The following TSBP1 variants were observed in gnomAD, a reference collection of about 807,000 sequenced individuals.
TSBP1 encodes testis-expressed basic protein 1.
TSBP1 carries 56 observed loss-of-function variants against 68.8 expected under a neutral mutation model. The observed-to-expected ratio is 0.81, with a 90% CI of 0.66 to 1.02. The LOEUF (loss-of-function observed/expected upper bound fraction) is 1.02, where lower values mean the gene tolerates loss of function less well. TSBP1 is among the 50% of genes least tolerant of loss of function. The pLI is 0.00. For synonymous variants in TSBP1, 171 were observed against 208.7 expected, an observed-to-expected ratio of 0.82 and a Z score of 1.56; for missense variants, 502 against 641.2, an observed-to-expected ratio of 0.78 and a Z score of 2.34.
chr6:32,324,500 C>G (rs1168923063), intron 16 of TSBP1: 1 of 948,028 alleles, frequency 1.1e-6, no homozygotes. Context: ...CTTTCCAGTA[C>G]ATCATGAATA....
intron 16 of TSBP1, among the ~76,000 whole-genome samples, chr6:32,329,701 A>C (rs1376185363): frequency 6.6e-6 from 1 of 152,160 alleles, no homozygotes; most frequent in African/African-American, 2.4e-5. Flanking sequence ...TGCTCAGCTT[A>C]GTATCAGATA....
intron 15 of TSBP1, among the ~76,000 whole-genome samples, chr6:32,331,174 G>A (rs930570827): frequency 5.3e-5 from 8 of 151,294 alleles, no homozygotes; most frequent in Non-Finnish European, 1.2e-4. Context: ...TGTAGGTGTT[G>A]GAGATGAGAT....
intron 22 of TSBP1, 179 bp from the exon 26 acceptor site, chr6:32,294,214 A>C (rs575471089): frequency 1.4e-6 from 1 of 709,676 alleles, no homozygotes; most frequent in African/African-American, 1.8e-5. Flanking sequence ...GTATCGATAA[A>C]ATTCTGGACT....
At chr6:32,293,853 G>A (rs34498363) in exon 23 of TSBP1, 19,469 of 1,612,608 alleles carry the variant, frequency 0.012, 211 homozygotes, top group African/African-American at 0.047. Context: ...TCTCTTTCTG[G>A]CTCCTTTATG....
chr6:32,323,192 T>C, intron 17 of TSBP1, 55 bp from the exon 19 acceptor site: 1 of 1,197,560 alleles, frequency 8.4e-7, no homozygotes. Flanking sequence ...CAAGGTTCCC[T>C]CTAGGGAGGT....
In TSBP1 at chr6:32,315,836, G is replaced by T; in HGVS notation, c.560-44C>A. ...GAAATCCATTTAATTTTTCTCAAAT[G>T]GAGAAAACATAGCATTATCTAACAT... On this transcript the variant is annotated intron_variant, in intron 18 of 22. Coordinates refer to ENST00000612031, the Ensembl canonical transcript of TSBP1. The surrounding 1 kb of genome is among the most constrained non-coding windows in gnomAD (Gnocchi z 5.4). The T allele has an allele frequency of 1.6e-6, 2 of 1,270,284 alleles. No individual in the cohort carries two copies. Among genetic ancestry groups the T allele is most frequent in the Non-Finnish European group, 2.2e-6 (2 of 912,038 alleles). The allele number at this position is 1,270,284 out of a possible 1,614,324, so 78.7% of individuals were successfully genotyped here.
At chr6:32,371,435 G>A (rs1477760835) in intron 1 of TSBP1, among the ~76,000 whole-genome samples, 6 of 152,172 alleles carry the variant, frequency 3.9e-5, no homozygotes, top group Non-Finnish European at 5.9e-5. Context: ...GTGCTACGGA[G>A]GATGGTTATT....
Position 32,343,151 on chromosome 6 carries a change from A to G in TSBP1, c.350-3513T>C, listed in dbSNP as rs1770569352. 1 of 727,124 alleles carries G rather than the reference A, an allele frequency of 1.4e-6. No homozygotes were observed. The highest frequency in any genetic ancestry group is 2.0e-6 in the Non-Finnish European group (1 of 498,628). 45.0% of individuals were successfully genotyped at this position (727,124 alleles called of 1,614,324 possible). On this transcript the variant is annotated intron_variant, in intron 9 of 22. Transcript: ENST00000612031. This position sits in a 1 kb window ranked among gnomAD's most constrained non-coding sequence, Gnocchi z 4.3. ...CCCTTTCACCCTGACATAGCAGGAAACAGGAAATAGTTAAGACAGGGAGAA... is the reference window on the plus strand; with the variant it reads ...CCCTTTCACCCTGACATAGCAGGAAGCAGGAAATAGTTAAGACAGGGAGAA...
exon 4 of TSBP1, chr6:32,367,951 C>T (rs763106124): frequency 6.2e-7 from 1 of 1,611,038 alleles, no homozygotes; most frequent in East Asian, 2.2e-5. Context: ...GTCCAGAAGT[C>T]TAGCACCTAG....
rs1769281190 is a variant in TSBP1 at position 32,333,345 on chromosome 6, T to G, written c.473-1291A>C. Among the ~76,000 whole-genome samples the G allele has an allele frequency of 6.6e-6, 1 of 152,190 alleles. No individual in the cohort carries two copies. Among genetic ancestry groups the G allele is most frequent in the Non-Finnish European group, 1.5e-5 (1 of 68,032 alleles). ...AACACTGCTTACATAAGAATGATCC[T>G]TGATGTTAGACTGCATCTGAACTGG... On this transcript the variant is annotated intron_variant, in intron 14 of 22. Transcript: ENST00000612031. This position sits in a 1 kb window ranked among gnomAD's most constrained non-coding sequence, Gnocchi z 4.2.
At chr6:32,331,342 C>G (rs1768996084) in intron 15 of TSBP1, among the ~76,000 whole-genome samples, 1 of 152,134 alleles carries the variant, frequency 6.6e-6, no homozygotes, top group Non-Finnish European at 1.5e-5. Context: ...TACTGACAAG[C>G]CACTATAATC....
intron 18 of TSBP1, among the ~76,000 whole-genome samples, chr6:32,317,452 A>G (rs1280279499): frequency 6.6e-6 from 1 of 152,228 alleles, no homozygotes; most frequent in Non-Finnish European, 1.5e-5. Flanking sequence ...GCAAAAATTG[A>G]CAGATGGGAT....
chr6:32,345,176 T>TC (rs1270462051), intron 9 of TSBP1, among the ~76,000 whole-genome samples: 1 of 126,036 alleles, frequency 7.9e-6, no homozygotes, highest in East Asian at 2.3e-4. Flanking sequence ...TTTTTTTTTT[T>TC]CTTTTTCCTC....
intron 19 of TSBP1, among the ~76,000 whole-genome samples, chr6:32,309,350 CAT>C (rs9279573): frequency 0.21 from 31,870 of 151,836 alleles, 3,501 homozygotes; most frequent in East Asian, 0.22. Context: ...TGTTTTCTTA[CAT>C]ATGTTTCTTG....
chr6:32,323,653 C>G, intron 16 of TSBP1, 39 bp from the exon 18 acceptor site: 2 of 1,603,710 alleles, frequency 1.2e-6, no homozygotes, highest in African/African-American at 1.3e-5. Flanking sequence ...TGTTTTTTCT[C>G]CCATGATATT....
At chr6:32,293,669 T>G in exon 23 of TSBP1, 1 of 1,613,092 alleles carries the variant, frequency 6.2e-7, no homozygotes. Flanking sequence ...TACTTGGGAC[T>G]CCTGTCCTCT....
chr6:32,320,785 T>G (rs1426655617), intron 18 of TSBP1, among the ~76,000 whole-genome samples: 1 of 152,128 alleles, frequency 6.6e-6, no homozygotes, highest in Admixed American at 6.5e-5. Context: ...ACAGATTATT[T>G]TTCTACCCAG....
At chr6:32,308,011 G>A (rs965815870) in intron 19 of TSBP1, among the ~76,000 whole-genome samples, 4 of 151,940 alleles carry the variant, frequency 2.6e-5, no homozygotes, top group Admixed American at 6.5e-5. Context: ...CTGACCTCAA[G>A]TGATCTACCC....
Position 32,370,836 on chromosome 6 carries a change from C to T in TSBP1, c.14-853G>A, listed in dbSNP as rs532239782. ...ATAAAGGGCAGTGGCTATGAAGGAT[C>T]GGGGGAGAAAAAAAAGAAAAGAGAG... On this transcript the variant is annotated intron_variant, in intron 1 of 22. Coordinates refer to ENST00000612031, the Ensembl canonical transcript of TSBP1. Among the ~76,000 whole-genome samples the T allele has an allele frequency of 2.9e-3, 148 of 50,394 alleles. 2 individuals carry two copies. Among genetic ancestry groups the T allele is most frequent in the African/African-American group, 8.1e-3 (138 of 16,956 alleles). 33.1% of individuals were successfully genotyped at this position (50,394 alleles called of 152,430 possible).
Sources: allele counts gnomAD v4.1 joint callset (sites outside exome capture counted in the v4.1 genomes callset), GRCh38; gene constraint gnomAD v4.1.1; non-coding constraint Gnocchi (gnomAD v3.1); transcripts MANE v1.5; gene names NCBI Gene and HGNC (gene_info 2026-07-23, HGNC 2026-07-21).